Variants in TJP1 observed in about 807,000 individuals in gnomAD.
TJP1 encodes the protein tight junction protein ZO-1.
TJP1 carries 43 observed loss-of-function variants against 194.2 expected under a neutral mutation model. The observed-to-expected ratio is 0.22, with a 90% CI of 0.17 to 0.29. TJP1 has a LOEUF of 0.29. TJP1 is among the 10% of genes least tolerant of loss of function. The probability of loss-of-function intolerance (pLI) is 1.00; values close to 1 mark genes in which losing one functional copy is unlikely to be tolerated. For synonymous variants in TJP1, 801 were observed against 779.0 expected (o/e 1.03, Z -0.47); for missense variants, 1,971 against 2,185.7 (o/e 0.90, Z 1.96).
chr15:29,887,333 C>T (rs2053151724), intron 2 of TJP1, among the ~76,000 whole-genome samples: 1 of 149,994 alleles, frequency 6.7e-6, no homozygotes, highest in Admixed American at 6.7e-5. Flanking sequence ...CGGAGTTTTG[C>T]TTTTGTTGCC....
chr15:29,934,138 A>G (rs1337849802), intron 2 of TJP1, among the ~76,000 whole-genome samples: 1 of 152,232 alleles, frequency 6.6e-6, no homozygotes, highest in Non-Finnish European at 1.5e-5. Flanking sequence ...AATGTTTCAA[A>G]CCAGTTAAGC....
chr15:29,741,198 TAAA>T, intron 10 of TJP1, 130 bp downstream of exon 10: 1 of 658,202 alleles, frequency 1.5e-6, no homozygotes, highest in African/African-American at 2.0e-5. Context: ...ATGTTAAATA[TAAA>T]AATAATCATA....
At chr15:29,720,258 T>G in intron 19 of TJP1, 100 bp downstream of exon 19, 1 of 1,191,796 alleles carries the variant, frequency 8.4e-7, no homozygotes, top group Non-Finnish European at 1.2e-6. Context: ...TAATTCTTAA[T>G]CTGGAGAAAG....
intron 8 of TJP1, among the ~76,000 whole-genome samples, chr15:29,757,014 T>C (rs2045685208): frequency 6.6e-6 from 1 of 152,210 alleles, no homozygotes; most frequent in Non-Finnish European, 1.5e-5. Context: ...GTGCCAGGTA[T>C]TGTAATAACT....
intron 2 of TJP1, among the ~76,000 whole-genome samples, chr15:29,910,920 C>T (rs192992208): frequency 7.0e-4 from 107 of 152,318 alleles, no homozygotes; most frequent in African/African-American, 2.4e-3. Flanking sequence ...GAGAGGAGAA[C>T]ATACACCTGC....
chr15:29,920,253 A>G (rs2054314625), intron 2 of TJP1, among the ~76,000 whole-genome samples: 1 of 152,208 alleles, frequency 6.6e-6, no homozygotes, highest in Non-Finnish European at 1.5e-5. Flanking sequence ...TGTTTTCCAT[A>G]CAGGTAAAAA....
intron 2 of TJP1, among the ~76,000 whole-genome samples, chr15:29,843,186 CT>C (rs544307311): frequency 0.36 from 24,982 of 69,262 alleles, 2,089 homozygotes; most frequent in Admixed American, 0.45. Context: ...TTTTTCTTTT[CT>C]TTTTTTTTTT....
At chr15:29,886,472 A>G (rs2053118415) in intron 2 of TJP1, among the ~76,000 whole-genome samples, 1 of 151,938 alleles carries the variant, frequency 6.6e-6, no homozygotes, top group African/African-American at 2.4e-5. Context: ...GGGTCCCTGT[A>G]GTCACAGTTA....
In TJP1 at chr15:29,950,147, A is replaced by ACCACCT. The variant is rs1367444984; in HGVS notation, c.306+6079_306+6084dup. Among the ~76,000 whole-genome samples the ACCACCT allele has an allele frequency of 1.9e-4, 18 of 97,078 alleles. 3 individuals are homozygous for ACCACCT. Among genetic ancestry groups the ACCACCT allele is most frequent in the African/African-American group, 7.5e-4 (18 of 23,872 alleles). 63.7% of individuals were successfully genotyped at this position (97,078 alleles called of 152,430 possible). A position where few individuals can be genotyped will look rare whatever the true frequency, so the allele number is the denominator to read the frequency against. ...CACCACCTCCACCACCACCACAACC[A>ACCACCT]CCACCTCCACCACCACCACAACCAC... On this transcript the variant is annotated intron_variant, in intron 2 of 28. Coordinates refer to the TJP1 transcript ENST00000356107.
intron 2 of TJP1, among the ~76,000 whole-genome samples, chr15:29,786,983 T>C (rs2047739035): frequency 6.6e-6 from 1 of 152,168 alleles, no homozygotes. Context: ...CTGAAAAACT[T>C]ATAATGTACT....
chr15:29,832,227 G>A (rs951384041), intron 2 of TJP1, among the ~76,000 whole-genome samples: 1 of 152,092 alleles, frequency 6.6e-6, no homozygotes, highest in Non-Finnish European at 1.5e-5. Context: ...TGAGAGCCCT[G>A]GGCCTACCAC....
At chr15:29,944,387 G>A (rs1446323595) in intron 2 of TJP1, among the ~76,000 whole-genome samples, 3 of 152,032 alleles carry the variant, frequency 2.0e-5, no homozygotes, top group Non-Finnish European at 2.9e-5. Flanking sequence ...GAGCCACCGC[G>A]CCCGGCCTTG....
chr15:29,825,866 C>T (rs1431266586), upstream of TJP1, among the ~76,000 whole-genome samples: 1 of 152,092 alleles, frequency 6.6e-6, no homozygotes, highest in Non-Finnish European at 1.5e-5. Flanking sequence ...CAGAATTTTC[C>T]TCTGCCAATA....
chr15:29,968,612 C>T, intron 1 of TJP1: 3 of 963,310 alleles, frequency 3.1e-6, no homozygotes, highest in East Asian at 1.1e-4. Flanking sequence ...CTCCGGCCCC[C>T]GCCCCGCTCC....
intron 2 of TJP1, among the ~76,000 whole-genome samples, chr15:29,887,894 A>G (rs913606557): frequency 6.6e-6 from 1 of 152,188 alleles, no homozygotes; most frequent in African/African-American, 2.4e-5. Context: ...ATTTGGCAAT[A>G]CATGTAACTG....
At chr15:29,885,858 C>T (rs916478591) in intron 2 of TJP1, among the ~76,000 whole-genome samples, 3 of 152,150 alleles carry the variant, frequency 2.0e-5, no homozygotes, top group Non-Finnish European at 2.9e-5. Context: ...TGCATCATGT[C>T]GCCCCATCTG....
rs1862346773 is a variant in TJP1 at position 29,741,212 on chromosome 15, G to A, written c.1256+119C>T. 5.8e-6 allele frequency: 4 copies of A among 692,950 alleles called. No individual in the cohort carries two copies. The South Asian group carries it at 7.3e-5, about 13-fold the overall frequency. 42.9% of individuals were successfully genotyped at this position (692,950 alleles called of 1,614,324 possible). On this transcript the variant is annotated intron_variant, in intron 10 of 27. Coordinates refer to ENST00000614355, the MANE Select transcript of TJP1 (RefSeq NM_001330239.4). Reference sequence around the variant, plus strand: ...AATGTTAAATATAAAAATAATCATAGTATTAGGTGGTATGTACTATTTTAA... The same window carrying A: ...AATGTTAAATATAAAAATAATCATAATATTAGGTGGTATGTACTATTTTAA...
chr15:29,751,861 AC>A (rs919144921), intron 8 of TJP1, among the ~76,000 whole-genome samples: 1 of 152,216 alleles, frequency 6.6e-6, no homozygotes, highest in African/African-American at 2.4e-5. Context: ...TAAATATTGT[AC>A]TTGTAGAAGA....
At chr15:29,715,390 A>G (rs201360655) in intron 23 of TJP1, among the ~76,000 whole-genome samples, 2 of 152,344 alleles carry the variant, frequency 1.3e-5, no homozygotes, top group East Asian at 3.9e-4. Context: ...TAAAGCCTTA[A>G]ATATAGGACA....
Sources: gnomAD v4.1 joint callset for allele counts (sites outside exome capture counted in the v4.1 genomes callset) on GRCh38, gnomAD v4.1.1 for gene constraint, MANE v1.5 for transcripts, NCBI Gene and HGNC (gene_info 2026-07-23, HGNC 2026-07-21) for gene names.